Variants in CNTNAP2 observed in about 807,000 individuals in gnomAD.
CNTNAP2 encodes contactin associated protein 2, also known as contactin-associated protein-like 2.
In CNTNAP2, 98 loss-of-function variants were observed where a neutral mutation model predicts 155.2. The observed-to-expected ratio is 0.63, with a 90% CI of 0.54 to 0.75. The LOEUF (loss-of-function observed/expected upper bound fraction) is 0.75. Ranked by LOEUF, CNTNAP2 falls within the 30% of genes least tolerant of loss-of-function variation. The pLI, the probability that CNTNAP2 is intolerant of heterozygous loss-of-function variation, is 0.00. For synonymous variants in CNTNAP2, 651 were observed against 631.2 expected (o/e 1.03, Z -0.47); for missense variants, 1,727 against 1,688.1 (o/e 1.02, Z -0.40).
chr7:146,653,589 G>C (rs564801729), intron 1 of CNTNAP2, among the ~76,000 whole-genome samples: 1 of 152,244 alleles, frequency 6.6e-6, no homozygotes, highest in South Asian at 2.1e-4. Flanking sequence ...TTTAAAATTA[G>C]ACCTGATAGT....
chr7:146,836,064 T>G (rs192682504), intron 2 of CNTNAP2, among the ~76,000 whole-genome samples: 261 of 152,258 alleles, frequency 1.7e-3, no homozygotes, highest in African/African-American at 5.9e-3. Flanking sequence ...AGAAAAAATA[T>G]TCTTGTAAAA....
intron 8 of CNTNAP2, among the ~76,000 whole-genome samples, chr7:147,183,171 T>C (rs1802500466): frequency 6.6e-6 from 1 of 151,660 alleles, no homozygotes; most frequent in South Asian, 2.1e-4. Context: ...AAAGGAAACA[T>C]TAAGCTACTT....
Position 148,409,887 on chromosome 7 carries a change from T to G in CNTNAP2, c.3796+416T>G, listed in dbSNP as rs1438615996. 7.7e-5 allele frequency among the ~76,000 whole-genome samples: 7 copies of G among 91,194 alleles called. 2 individuals carry two copies. Among genetic ancestry groups the G allele is most frequent in the Non-Finnish European group, 1.2e-4 (5 of 43,110 alleles). 59.8% of individuals were successfully genotyped at this position (91,194 alleles called of 152,430 possible). On this transcript the variant is annotated intron_variant, in intron 23 of 23. Coordinates refer to ENST00000361727, the MANE Select transcript of CNTNAP2 (RefSeq NM_014141.6). ...TAACACGGTGAAACCCCGTCTCTAC[T>G]AAAAATACAAAAAATTAGCCGGGCG...
chr7:147,646,132 T>C (rs1795361491), intron 13 of CNTNAP2, among the ~76,000 whole-genome samples: 1 of 152,136 alleles, frequency 6.6e-6, no homozygotes, highest in Non-Finnish European at 1.5e-5. Flanking sequence ...AAGTTTGTTG[T>C]TGTTGTTGTT....
At chr7:147,739,001 C>G (rs146693610) in intron 13 of CNTNAP2, among the ~76,000 whole-genome samples, 139 of 152,180 alleles carry the variant, frequency 9.1e-4, no homozygotes, top group African/African-American at 3.2e-3. Context: ...ATTCCTGTGA[C>G]TGTTTTGTAG....
Position 147,733,992 on chromosome 7 carries a change from T to C in CNTNAP2, c.2098+94686T>C, listed in dbSNP as rs1796792299. On this transcript the variant is annotated intron_variant, in intron 13 of 23. Coordinates refer to ENST00000361727, the MANE Select transcript of CNTNAP2 (RefSeq NM_014141.6). ...ACAATTTGACTTCCTCTTTTCCTAA[T>C]TGAATGCCCTTTATTTCTTTCTCCT... Among the ~76,000 whole-genome samples, 3 of 152,286 alleles carry C rather than the reference T, an allele frequency of 2.0e-5. No homozygotes were observed. The South Asian group carries it at 6.2e-4, about 32-fold the overall frequency.
chr7:146,277,937 T>A (rs961845618), intron 1 of CNTNAP2, among the ~76,000 whole-genome samples: 2 of 151,842 alleles, frequency 1.3e-5, no homozygotes, highest in African/African-American at 4.8e-5. Flanking sequence ...AAAAAGAAAA[T>A]AAAAAGAAAA....
At chr7:146,200,627 A>G (rs1299473640) in intron 1 of CNTNAP2, among the ~76,000 whole-genome samples, 2 of 152,224 alleles carry the variant, frequency 1.3e-5, no homozygotes, top group South Asian at 2.1e-4. Flanking sequence ...ACAATTCTCT[A>G]CAGTATCCAG....
chr7:146,976,105 G>A lies in CNTNAP2; in HGVS notation c.403-67802G>A, dbSNP rs542630096. Among the ~76,000 whole-genome samples the A allele has an allele frequency of 5.9e-5, 9 of 152,302 alleles. No individual in the cohort carries two copies. The East Asian group carries it at 1.5e-3, about 26-fold the overall frequency. On this transcript the variant is annotated intron_variant, in intron 3 of 23. Transcript: ENST00000361727. The stretch of plus-strand genomic sequence containing the variant: ...TTTGAAATATGGTGTCAAGTTTGTT[G>A]GAGATTTGTTAATTCAAGTGGTGAG...
At chr7:147,469,337 T>C (rs1348892557) in intron 10 of CNTNAP2, among the ~76,000 whole-genome samples, 1 of 151,944 alleles carries the variant, frequency 6.6e-6, no homozygotes, top group Admixed American at 6.6e-5. Context: ...TTTAATGAAA[T>C]ACTGATCTGA....
At chr7:148,387,864 A>ACTGAAAACTGGTTGCAGTAAAGAAG (rs1231561964) in intron 22 of CNTNAP2, among the ~76,000 whole-genome samples, 118 of 152,206 alleles carry the variant, frequency 7.8e-4, no homozygotes, top group Non-Finnish European at 1.2e-3. Flanking sequence ...GCTGAGACCT[A>ACTGAAAACTGGTTGCAGTAAAGAAG]CTGAAAACTG....
At chr7:146,585,743 A>C (rs1798680115) in intron 1 of CNTNAP2, among the ~76,000 whole-genome samples, 1 of 148,718 alleles carries the variant, frequency 6.7e-6, no homozygotes, top group African/African-American at 2.6e-5. Flanking sequence ...AGAAAGAAAA[A>C]GAAAGAAGGA....
chr7:147,968,108 C>T (rs1284785297), intron 14 of CNTNAP2, among the ~76,000 whole-genome samples: 1 of 152,100 alleles, frequency 6.6e-6, no homozygotes, highest in Non-Finnish European at 1.5e-5. Context: ...TTATTTGAAT[C>T]CACTTTAAAT....
intron 21 of CNTNAP2, among the ~76,000 whole-genome samples, chr7:148,310,931 G>A (rs1797585426): frequency 6.6e-6 from 1 of 152,144 alleles, no homozygotes; most frequent in Non-Finnish European, 1.5e-5. Context: ...GTTATTTTCG[G>A]GGCTGGGTAT....
intron 11 of CNTNAP2, among the ~76,000 whole-genome samples, chr7:147,491,387 A>G (rs897099724): frequency 6.6e-6 from 1 of 152,136 alleles, no homozygotes; most frequent in Non-Finnish European, 1.5e-5. Flanking sequence ...CTCCTCCCTC[A>G]GATTTCAGCT....
At chr7:146,496,783 A>C (rs1037375406) in intron 1 of CNTNAP2, among the ~76,000 whole-genome samples, 1 of 152,222 alleles carries the variant, frequency 6.6e-6, no homozygotes, top group African/African-American at 2.4e-5. Context: ...ATAACAGCCA[A>C]ATGAGCATAT....
intron 1 of CNTNAP2, among the ~76,000 whole-genome samples, chr7:146,163,541 ATCTATATATC>A (rs1798262206): frequency 6.9e-6 from 1 of 144,808 alleles, no homozygotes; most frequent in African/African-American, 2.6e-5. Flanking sequence ...ATATATCTAT[ATCTATATATC>A]TATATCTATA....
chr7:148,268,901 CT>C (rs1026219019), intron 21 of CNTNAP2, among the ~76,000 whole-genome samples: 3 of 151,780 alleles, frequency 2.0e-5, no homozygotes, highest in Admixed American at 2.0e-4. Context: ...CAAGGGAGCT[CT>C]TTACTGTGCT....
intron 11 of CNTNAP2, among the ~76,000 whole-genome samples, chr7:147,505,769 A>G (rs1798895740): frequency 6.6e-6 from 1 of 152,218 alleles, no homozygotes; most frequent in South Asian, 2.1e-4. Context: ...TATAATACAC[A>G]TAAAACTGGC....
Sources: gnomAD v4.1 joint callset for allele counts (sites outside exome capture counted in the v4.1 genomes callset) on GRCh38, gnomAD v4.1.1 for gene constraint, MANE v1.5 for transcripts, NCBI Gene and HGNC (gene_info 2026-07-23, HGNC 2026-07-21) for gene names.